The following GFOD1 variants were observed in gnomAD, a reference collection of about 807,000 sequenced individuals.
GFOD1 encodes glucose-fructose oxidoreductase domain-containing protein 1.
In GFOD1, 9 loss-of-function variants were observed where a neutral mutation model predicts 25.4. That is an observed-to-expected ratio of 0.35 (90% CI 0.21 to 0.62). The LOEUF is 0.62. Among genes scored for constraint, GFOD1 ranks in the 20% least tolerant of loss-of-function variants. The pLI, the probability that GFOD1 is intolerant of heterozygous loss-of-function variation, is 0.72. For synonymous variants in GFOD1, 253 were observed against 245.6 expected (o/e 1.03, Z -0.28); for missense variants, 403 against 556.9 (o/e 0.72, Z 2.78).
intron 1 of GFOD1, among the ~76,000 whole-genome samples, chr6:13,426,288 G>A (rs917024505): frequency 3.9e-5 from 6 of 152,216 alleles, no homozygotes; most frequent in African/African-American, 1.4e-4. Flanking sequence ...CAGACTGCCT[G>A]GTCCTATAAT....
rs752862836 is a variant in GFOD1 at position 13,470,573 on chromosome 6, AT to A, written c.253+16064del. ...GCTCAGCTGAACAGAACCACGTGGCATTTTTTTTTCCCCAGTATTTTTCTGT... is the reference window on the plus strand; with the variant it reads ...GCTCAGCTGAACAGAACCACGTGGCATTTTTTTTCCCCAGTATTTTTCTGT... On this transcript the variant is annotated intron_variant, in intron 1 of 1. Coordinates refer to ENST00000379287, the MANE Select transcript of GFOD1 (RefSeq NM_018988.4). 1,330 of 1,497,068 alleles carry A rather than the reference AT, an allele frequency of 8.9e-4. 10 individuals carry two copies. The African/African-American group carries it at 0.016, about 18-fold the overall frequency. The allele number at this position is 1,497,068 out of a possible 1,614,324, so 92.7% of individuals were successfully genotyped here. A position where few individuals can be genotyped will look rare whatever the true frequency, so the allele number is the denominator to read the frequency against.
intron 1 of GFOD1, among the ~76,000 whole-genome samples, chr6:13,440,524 C>T (rs1757898586): frequency 6.6e-6 from 1 of 152,124 alleles, no homozygotes. Context: ...CCATGTACAC[C>T]TCCTGGACTG....
chr6:13,364,654 T>G lies in GFOD1; in HGVS notation c.*89A>C, dbSNP rs1785003259. ...TCCCTCCACCTCCCTGATCCCCACA[T>G]TCCCCATGGTCACCCTCTCCCCTCG... On this transcript the variant is annotated 3_prime_UTR_variant, in exon 2 of 2. Transcript: ENST00000379287. This position sits in a 1 kb window ranked among gnomAD's most constrained non-coding sequence, Gnocchi z 4.1. 1 of 1,110,776 alleles carries G rather than the reference T, an allele frequency of 9.0e-7. No individual in the cohort carries two copies. The highest frequency in any genetic ancestry group is 2.2e-5 in the Admixed American group (1 of 46,132). 68.8% of individuals were successfully genotyped at this position (1,110,776 alleles called of 1,614,324 possible).
At chr6:13,384,111 C>T (rs905816826) in intron 1 of GFOD1, among the ~76,000 whole-genome samples, 1 of 152,148 alleles carries the variant, frequency 6.6e-6, no homozygotes, top group Non-Finnish European at 1.5e-5. Flanking sequence ...CCTATAAGCC[C>T]AGCTACTCAG....
intron 1 of GFOD1, among the ~76,000 whole-genome samples, chr6:13,396,437 C>T (rs1231010136): frequency 6.6e-6 from 1 of 152,210 alleles, no homozygotes; most frequent in Non-Finnish European, 1.5e-5. Flanking sequence ...ATAGCATCAT[C>T]ACCTACAGGG....
intron 1 of GFOD1, among the ~76,000 whole-genome samples, chr6:13,405,892 G>GAGAT (rs1243865332): frequency 1.3e-5 from 2 of 152,158 alleles, no homozygotes; most frequent in Admixed American, 1.3e-4. Context: ...CCACTCCTGA[G>GAGAT]AGATACTCGC....
intron 1 of GFOD1, among the ~76,000 whole-genome samples, chr6:13,442,963 T>C (rs1214863526): frequency 6.6e-6 from 1 of 152,216 alleles, no homozygotes; most frequent in East Asian, 1.9e-4. Context: ...CTCTGAAGGA[T>C]CTGTGCAAAG....
chr6:13,483,684 G>C (rs1758805342), intron 1 of GFOD1, among the ~76,000 whole-genome samples: 1 of 152,136 alleles, frequency 6.6e-6, no homozygotes, highest in Admixed American at 6.5e-5. Context: ...CCAGGGCTGG[G>C]ATGGAATAAA....
Position 13,360,819 on chromosome 6 carries a change from T to C in GFOD1, c.*3924A>G. The C allele has an allele frequency of 2.2e-6, 1 of 456,680 alleles. No homozygotes were observed. Among genetic ancestry groups the C allele is most frequent in the South Asian group, 1.5e-5 (1 of 64,570 alleles). The allele number at this position is 456,680 out of a possible 1,614,324, so 28.3% of individuals were successfully genotyped here. On this transcript the variant is annotated 3_prime_UTR_variant, in exon 2 of 2. Transcript: ENST00000379287. ...TTCCTGGGTGTGAGAGCAGACCCCGTAGACATTGATAAGGAGCGGTTTCCT... is the reference window on the plus strand; with the variant it reads ...TTCCTGGGTGTGAGAGCAGACCCCGCAGACATTGATAAGGAGCGGTTTCCT...
rs1206264674 is a variant in GFOD1 at position 13,361,366 on chromosome 6, A to G, written c.*3377T>C. Reference sequence around the variant, plus strand: ...AACTTGGAATCTAGGCCATTCGCACATTGATGGGAACGAAACAGGCATGCA... The same window carrying G: ...AACTTGGAATCTAGGCCATTCGCACGTTGATGGGAACGAAACAGGCATGCA... On this transcript the variant is annotated 3_prime_UTR_variant, in exon 2 of 2. Transcript: ENST00000379287. 1 of 158,700 alleles carries G rather than the reference A, an allele frequency of 6.3e-6. No individual in the cohort carries two copies. Among genetic ancestry groups the G allele is most frequent in the East Asian group, 1.9e-4 (1 of 5,370 alleles). 9.8% of individuals were successfully genotyped at this position (158,700 alleles called of 1,614,324 possible). A position where few individuals can be genotyped will look rare whatever the true frequency, so the allele number is the denominator to read the frequency against.
chr6:13,360,756 G>T lies in GFOD1; in HGVS notation c.*3987C>A. ...AACAGGAGGGTGCTGACAGCAGGCT[G>T]AGTGGAGCCGCAGGTTAGTCCATGC... is the stretch of plus-strand genomic sequence containing the variant. On this transcript the variant is annotated 3_prime_UTR_variant, in exon 2 of 2. Transcript: ENST00000379287. 1 of 456,786 alleles carries T rather than the reference G, an allele frequency of 2.2e-6. No homozygotes were observed. The highest frequency in any genetic ancestry group is 4.4e-6 in the Non-Finnish European group (1 of 226,978). 28.3% of individuals were successfully genotyped at this position (456,786 alleles called of 1,614,324 possible). A position where few individuals can be genotyped will look rare whatever the true frequency, so the allele number is the denominator to read the frequency against.
chr6:13,465,408 C>T (rs1446647556), intron 1 of GFOD1, among the ~76,000 whole-genome samples: 2 of 152,016 alleles, frequency 1.3e-5, no homozygotes, highest in Non-Finnish European at 2.9e-5. Context: ...ATCAGCATGC[C>T]CTGGAAGCTT....
At chr6:13,389,880 C>T (rs1785548951) in intron 1 of GFOD1, among the ~76,000 whole-genome samples, 1 of 152,128 alleles carries the variant, frequency 6.6e-6, no homozygotes, top group African/African-American at 2.4e-5. Flanking sequence ...CCATGATATG[C>T]ATTTTTTACT....
chr6:13,389,613 G>C (rs113827859), intron 1 of GFOD1, among the ~76,000 whole-genome samples: 6,667 of 152,084 alleles, frequency 0.044, 291 homozygotes, highest in African/African-American at 0.11. Context: ...GGGCCTGTTG[G>C]GGGGTGCGGG....
intron 1 of GFOD1, among the ~76,000 whole-genome samples, chr6:13,452,065 G>A (rs962433539): frequency 6.6e-6 from 1 of 152,156 alleles, no homozygotes; most frequent in Non-Finnish European, 1.5e-5. Flanking sequence ...AAAGAGAGAT[G>A]CTCAGGTGGG....
Position 13,361,055 on chromosome 6 carries a change from A to G in GFOD1, c.*3688T>C. On this transcript the variant is annotated 3_prime_UTR_variant, in exon 2 of 2. Coordinates refer to ENST00000379287, the MANE Select transcript of GFOD1 (RefSeq NM_018988.4). ...GGGTTGTTTTTATGGATTGTATGAG[A>G]TAACATACTTAAAATACTCTGCACA... 2.8e-6 allele frequency: 1 copy of G among 357,898 alleles called. No individual in the cohort carries two copies. Among genetic ancestry groups the G allele is most frequent in the East Asian group, 7.4e-5 (1 of 13,556 alleles). 22.2% of individuals were successfully genotyped at this position (357,898 alleles called of 1,614,324 possible). A position where few individuals can be genotyped will look rare whatever the true frequency, so the allele number is the denominator to read the frequency against.
intron 1 of GFOD1, among the ~76,000 whole-genome samples, chr6:13,421,701 A>C (rs80333380): frequency 6.6e-6 from 1 of 152,050 alleles, no homozygotes; most frequent in Non-Finnish European, 1.5e-5. Context: ...GAAAAAAAAA[A>C]CCTTCTGTAA....
chr6:13,372,173 G>A (rs931759712), intron 1 of GFOD1, among the ~76,000 whole-genome samples: 2 of 152,256 alleles, frequency 1.3e-5, no homozygotes, highest in African/African-American at 4.8e-5. Flanking sequence ...TTGCCGTGCT[G>A]TAATTAGGAG....
intron 1 of GFOD1, among the ~76,000 whole-genome samples, chr6:13,434,326 T>C (rs903509473): frequency 1.4e-5 from 2 of 147,648 alleles, no homozygotes; most frequent in Non-Finnish European, 3.0e-5. Flanking sequence ...GTGCAGGGCA[T>C]TATGGGAATA....
Sources: allele counts gnomAD v4.1 joint callset (sites outside exome capture counted in the v4.1 genomes callset), GRCh38; gene constraint gnomAD v4.1.1; non-coding constraint Gnocchi (gnomAD v3.1); transcripts MANE v1.5; gene names NCBI Gene and HGNC (gene_info 2026-07-23, HGNC 2026-07-21).